The following RPP30 variants were observed in gnomAD, a reference collection of about 807,000 sequenced individuals.
The protein encoded by RPP30 is ribonuclease P/MRP subunit p30.
A neutral mutation model predicts 38.6 loss-of-function variants in RPP30; 36 were observed. The ratio of observed to expected loss-of-function variants is 0.93; its 90% CI spans 0.71 to 1.23. The LOEUF is 1.23. RPP30 is among the 50% of genes most tolerant of loss of function. The pLI is 0.00. For synonymous variants in RPP30, 126 were observed against 112.7 expected (o/e 1.12, Z -0.75); for missense variants, 321 against 321.7 (o/e 1.00, Z 0.02).
At chr10:90,878,923 C>A in intron 4 of RPP30, 140 bp from the exon 5 acceptor site, 1 of 639,284 alleles carries the variant, frequency 1.6e-6, no homozygotes, top group Non-Finnish European at 2.7e-6. Context: ...GTCTTTTCTG[C>A]CAACATACAA....
intron 10 of RPP30, among the ~76,000 whole-genome samples, chr10:90,897,561 A>G (rs1025402436): frequency 2.6e-5 from 4 of 152,202 alleles, no homozygotes; most frequent in Non-Finnish European, 5.9e-5. Context: ...AAATTAGGGA[A>G]CAGTTGGTTC....
Position 90,895,864 on chromosome 10 carries a change from G to A in RPP30, c.580-16G>A. On this transcript the variant is annotated splice_polypyrimidine_tract_variant and intron_variant, in intron 8 of 10. Transcript: ENST00000371703. ...AATAATTTTCTCATATCTACTCTTT[G>A]TTCATTTTATTTCAGCCTTTAGAAA... The A allele has an allele frequency of 7.6e-6, 12 of 1,575,012 alleles. No individual in the cohort carries two copies. Among genetic ancestry groups the A allele is most frequent in the Non-Finnish European group, 9.5e-6 (11 of 1,153,132 alleles).
intron 1 of RPP30, 108 bp from the exon 2 acceptor site, chr10:90,874,761 A>G (rs1164858513): frequency 5.1e-6 from 3 of 592,280 alleles, no homozygotes; most frequent in Admixed American, 3.1e-5. Context: ...ATTCATAACC[A>G]CTCCTCAAAT....
At chr10:90,877,261 C>T (rs1846865138) in intron 4 of RPP30, among the ~76,000 whole-genome samples, 1 of 151,816 alleles carries the variant, frequency 6.6e-6, no homozygotes, top group African/African-American at 2.4e-5. Context: ...GCAGTGAGAT[C>T]ACACCAGTGT....
At chr10:90,887,654 G>C (rs1451637263) in intron 6 of RPP30, among the ~76,000 whole-genome samples, 1 of 152,070 alleles carries the variant, frequency 6.6e-6, no homozygotes, top group Non-Finnish European at 1.5e-5. Flanking sequence ...CCAAATGCTG[G>C]GATTACAGGC....
chr10:90,881,699 A>G (rs1846929793), intron 5 of RPP30, among the ~76,000 whole-genome samples: 1 of 152,174 alleles, frequency 6.6e-6, no homozygotes, highest in Non-Finnish European at 1.5e-5. Context: ...TAGGTATATC[A>G]TGGTTTGGAA....
chr10:90,902,620 T>G (rs1331292049), downstream of RPP30, among the ~76,000 whole-genome samples: 1 of 152,152 alleles, frequency 6.6e-6, no homozygotes, highest in Non-Finnish European at 1.5e-5. Flanking sequence ...AGACATTTAA[T>G]AAAGTTAAAT....
At position 90,901,140 on chromosome 10, in the gene RPP30, A is replaced by ATTTT. The variant is rs59418716; in HGVS notation, c.*480_*483dup. ...CAGGTGTGCACTACCACACCTGGCT[A>ATTTT]TTTTTTTTTTTTTTTTTTTTTTCCC... is the stretch of plus-strand genomic sequence containing the variant. On this transcript the variant is annotated 3_prime_UTR_variant, in exon 11 of 11. Coordinates refer to ENST00000371703, the MANE Select transcript of RPP30 (RefSeq NM_006413.5). 1.7e-5 allele frequency: 2 copies of ATTTT among 120,156 alleles called. No homozygotes were observed. Among genetic ancestry groups the ATTTT allele is most frequent in the Non-Finnish European group, 3.1e-5 (2 of 65,502 alleles). The allele number at this position is 120,156 out of a possible 1,614,324, so 7.4% of individuals were successfully genotyped here.
intron 1 of RPP30, among the ~76,000 whole-genome samples, chr10:90,872,445 GA>G (rs1846792294): frequency 1.4e-5 from 2 of 142,482 alleles, no homozygotes; most frequent in South Asian, 4.5e-4. Context: ...ACAAATACTG[GA>G]ATTTGGGGCA....
intron 2 of RPP30, among the ~76,000 whole-genome samples, chr10:90,875,303 AC>A (rs1846836959): frequency 6.6e-6 from 1 of 152,198 alleles, no homozygotes; most frequent in Non-Finnish European, 1.5e-5. Flanking sequence ...CTTTAGGCCA[AC>A]AACTGTATCC....
chr10:90,903,190 A>G, downstream of RPP30: 2 of 1,559,550 alleles, frequency 1.3e-6, no homozygotes, highest in Non-Finnish European at 1.8e-6. Context: ...TCTGCTTTAA[A>G]GGAACTAGAA....
intron 4 of RPP30, 34 bp from the exon 5 acceptor site, chr10:90,879,029 T>C (rs750526145): frequency 6.4e-7 from 1 of 1,570,048 alleles, no homozygotes; most frequent in South Asian, 1.1e-5. Flanking sequence ...ATGGATTTTG[T>C]TATTGTATGA....
In RPP30 at chr10:90,901,259, T is replaced by C; in HGVS notation, c.*580T>C. ...GCTTTGGCCTCCTAAAGTGCTGGGA[T>C]TACATGAGCCACCACATGCAGCCAG... On this transcript the variant is annotated 3_prime_UTR_variant, in exon 11 of 11. Coordinates refer to ENST00000371703, the MANE Select transcript of RPP30 (RefSeq NM_006413.5). The C allele has an allele frequency of 2.0e-6, 2 of 981,226 alleles. No individual in the cohort carries two copies. The allele number at this position is 981,226 out of a possible 1,614,324, so 60.8% of individuals were successfully genotyped here. A position where few individuals can be genotyped will look rare whatever the true frequency, so the allele number is the denominator to read the frequency against.
At chr10:90,875,175 A>G (rs894241597) in intron 2 of RPP30, among the ~76,000 whole-genome samples, 2 of 152,150 alleles carry the variant, frequency 1.3e-5, no homozygotes, top group Admixed American at 1.3e-4. Context: ...TCACTGTTCA[A>G]AAAGTGCATT....
chr10:90,875,454 TA>T (rs149175620), intron 2 of RPP30, 103 bp from the exon 3 acceptor site: 99 of 862,490 alleles, frequency 1.1e-4, no homozygotes, highest in Middle Eastern at 3.2e-4. Flanking sequence ...GCTTTCTTTT[TA>T]AAAAAAATGC....
At chr10:90,902,554 T>C (rs1479156161), downstream of RPP30, among the ~76,000 whole-genome samples, 2 of 152,172 alleles carry the variant, frequency 1.3e-5, no homozygotes, top group Non-Finnish European at 2.9e-5. Flanking sequence ...CAGTATCCTT[T>C]ATCATATTCA....
intron 6 of RPP30, among the ~76,000 whole-genome samples, chr10:90,891,614 A>G (rs1847083038): frequency 6.6e-6 from 1 of 152,220 alleles, no homozygotes; most frequent in African/African-American, 2.4e-5. Context: ...AATACATGCT[A>G]TACCTCTACA....
At chr10:90,881,091 A>G (rs1194053016) in intron 5 of RPP30, among the ~76,000 whole-genome samples, 2 of 152,224 alleles carry the variant, frequency 1.3e-5, no homozygotes, top group Admixed American at 1.3e-4. Flanking sequence ...TTTGTTGTAC[A>G]TTTGATTTCT....
intron 2 of RPP30, 118 bp from the exon 3 acceptor site, chr10:90,875,440 C>T: frequency 1.3e-6 from 1 of 776,850 alleles, no homozygotes. Context: ...CCAGAAATCA[C>T]CTTGCTTTCT....
Sources: allele counts gnomAD v4.1 joint callset (sites outside exome capture counted in the v4.1 genomes callset), GRCh38; gene constraint gnomAD v4.1.1; transcripts MANE v1.5; gene names NCBI Gene and HGNC (gene_info 2026-07-23, HGNC 2026-07-21).